DYNC1I1: variants seen among roughly 807,000 people sequenced by gnomAD.
DYNC1I1 encodes dynein cytoplasmic 1 intermediate chain 1.
DYNC1I1 carries 43 observed loss-of-function variants against 86.6 expected under a neutral mutation model. That is an observed-to-expected ratio of 0.50 (90% CI 0.39 to 0.64). The LOEUF is 0.64. Ranked by LOEUF, DYNC1I1 falls within the 30% of genes least tolerant of loss-of-function variation. The pLI is 0.00. For synonymous variants in DYNC1I1, 262 were observed against 283.7 expected, an observed-to-expected ratio of 0.92 and a Z score of 0.77; for missense variants, 604 against 788.8, an observed-to-expected ratio of 0.77 and a Z score of 2.81.
intron 1 of DYNC1I1, among the ~76,000 whole-genome samples, chr7:95,782,441 G>GTGGGACT (rs1297879014): frequency 6.6e-6 from 1 of 152,204 alleles, no homozygotes; most frequent in African/African-American, 2.4e-5. Context: ...TGAGCCATTT[G>GTGGGACT]TGGGACTTGC....
chr7:95,850,895 C>T (rs1219695536), intron 5 of DYNC1I1, among the ~76,000 whole-genome samples: 1 of 152,082 alleles, frequency 6.6e-6, no homozygotes, highest in East Asian at 1.9e-4. Flanking sequence ...GCTTTGGGGC[C>T]ATTATTAAGT....
In DYNC1I1 at chr7:95,987,072, G is replaced by C. The variant is rs946567842; in HGVS notation, c.760G>C (p.Ala254Pro). 6.2e-7 allele frequency: 1 copy of C among 1,613,754 alleles called. No homozygotes were observed. Among genetic ancestry groups the C allele is most frequent in the African/African-American group, 1.3e-5 (1 of 74,894 alleles). ...EEKDGDVQAG[A>P]NLSFNRQFYD... ...TCCTCCTAGGGATGTTCAGGCTGGA[G>C]CCAATCTTTCTTTCAATCGTCAGTT... The change falls in exon 9 of 17, where the codon GCC becomes CCC. Residue 254 changes from alanine to proline, a missense_variant. Transcript: ENST00000447467.
downstream of DYNC1I1, chr7:96,098,505 C>A: frequency 1.2e-6 from 1 of 833,330 alleles, no homozygotes; most frequent in Non-Finnish European, 1.4e-6. Context: ...GGGAGAGATA[C>A]ATTAGAGCCA....
intron 1 of DYNC1I1, among the ~76,000 whole-genome samples, chr7:95,776,520 A>G (rs1793844428): frequency 6.6e-6 from 1 of 152,164 alleles, no homozygotes; most frequent in South Asian, 2.1e-4. Flanking sequence ...TTTTCTAGGG[A>G]AAAAATGGGG....
intron 6 of DYNC1I1, among the ~76,000 whole-genome samples, chr7:95,971,220 G>A (rs1373852088): frequency 6.6e-6 from 1 of 152,138 alleles, no homozygotes; most frequent in Non-Finnish European, 1.5e-5. Context: ...AGATACAGGT[G>A]TAAGAGCTAA....
At chr7:96,072,134 C>A (rs1790187007) in intron 14 of DYNC1I1, among the ~76,000 whole-genome samples, 2 of 152,194 alleles carry the variant, frequency 1.3e-5, no homozygotes, top group Admixed American at 1.3e-4. Flanking sequence ...GTCAGGCACA[C>A]AACGAACACC....
chr7:95,989,897 A>G (rs1409509455), intron 9 of DYNC1I1, among the ~76,000 whole-genome samples: 4 of 152,192 alleles, frequency 2.6e-5, no homozygotes, highest in Non-Finnish European at 5.9e-5. Context: ...TTACATACTT[A>G]TGGGATAAAG....
chr7:96,025,789 C>G (rs535633993), intron 10 of DYNC1I1, among the ~76,000 whole-genome samples: 1 of 151,754 alleles, frequency 6.6e-6, no homozygotes. Context: ...ATATAAATAC[C>G]TCCACTGCTG....
At chr7:96,099,688 C>T (rs942249792), downstream of DYNC1I1, among the ~76,000 whole-genome samples, 2 of 152,150 alleles carry the variant, frequency 1.3e-5, no homozygotes, top group African/African-American at 4.8e-5. Flanking sequence ...GCACTAATCA[C>T]ATTTATATGG....
At chr7:96,055,918 T>C (rs556174672) in intron 14 of DYNC1I1, 4 of 152,308 alleles carry the variant, frequency 2.6e-5, no homozygotes, top group African/African-American at 9.6e-5. Flanking sequence ...CCCTGGTTCA[T>C]TGACTTGATC....
intron 6 of DYNC1I1, among the ~76,000 whole-genome samples, chr7:95,925,081 G>A (rs1000351501): frequency 2.0e-5 from 3 of 152,096 alleles, no homozygotes; most frequent in East Asian, 1.9e-4. Context: ...GTCAAAATAC[G>A]AGTTGCAATA....
At chr7:95,859,205 T>G (rs1460056105) in intron 5 of DYNC1I1, among the ~76,000 whole-genome samples, 2 of 151,816 alleles carry the variant, frequency 1.3e-5, no homozygotes, top group Non-Finnish European at 2.9e-5. Context: ...TTCTGGCCAC[T>G]TATTGTTTTC....
intron 6 of DYNC1I1, among the ~76,000 whole-genome samples, chr7:95,889,285 T>A (rs1195874074): frequency 6.6e-6 from 1 of 152,220 alleles, no homozygotes; most frequent in Non-Finnish European, 1.5e-5. Context: ...CTCACGTTTT[T>A]AAAAGAACTC....
At chr7:95,779,831 G>A (rs1422740305) in intron 1 of DYNC1I1, among the ~76,000 whole-genome samples, 2 of 152,160 alleles carry the variant, frequency 1.3e-5, no homozygotes, top group African/African-American at 4.8e-5. Context: ...GAAATGTAGC[G>A]CCCATTTTGT....
chr7:96,043,446 C>A (rs1378604726), intron 14 of DYNC1I1, among the ~76,000 whole-genome samples: 2 of 151,802 alleles, frequency 1.3e-5, no homozygotes, highest in Non-Finnish European at 2.9e-5. Context: ...CAAACCCAGA[C>A]CGCTGGCATA....
chr7:95,922,300 A>G (rs1791631797), intron 6 of DYNC1I1, among the ~76,000 whole-genome samples: 1 of 152,152 alleles, frequency 6.6e-6, no homozygotes, highest in African/African-American at 2.4e-5. Context: ...ACGTTACTCT[A>G]GAGTGAGTAA....
intron 16 of DYNC1I1, among the ~76,000 whole-genome samples, chr7:96,108,695 C>T (rs1791258142): frequency 2.6e-5 from 4 of 151,820 alleles, no homozygotes; most frequent in Non-Finnish European, 5.9e-5. Flanking sequence ...AACCCCGTCT[C>T]TACTAAAAAT....
intron 5 of DYNC1I1, among the ~76,000 whole-genome samples, chr7:95,847,427 TC>T (rs1789463512): frequency 6.6e-6 from 1 of 152,172 alleles, no homozygotes; most frequent in Non-Finnish European, 1.5e-5. Context: ...TTCCATTTTC[TC>T]CACCCTCAGC....
intron 8 of DYNC1I1, among the ~76,000 whole-genome samples, chr7:95,985,921 TG>T (rs1793577530): frequency 1.3e-5 from 2 of 152,054 alleles, no homozygotes; most frequent in Admixed American, 6.6e-5. Context: ...CTACAATCTT[TG>T]TGTTTTTTTG....
Sources: gnomAD v4.1 joint callset for allele counts (sites outside exome capture counted in the v4.1 genomes callset) on GRCh38, gnomAD v4.1.1 for gene constraint, MANE v1.5 for transcripts, NCBI Gene and HGNC (gene_info 2026-07-23, HGNC 2026-07-21) for gene names.